STARD10: variants seen among roughly 807,000 people sequenced by gnomAD.
The protein encoded by STARD10 is StAR related lipid transfer domain containing 10, also known as START domain-containing protein 10.
A neutral mutation model predicts 36.0 loss-of-function variants in STARD10; 24 were observed. The ratio of observed to expected loss-of-function variants is 0.67; its 90% CI spans 0.48 to 0.94. STARD10 has a LOEUF of 0.94. STARD10 is among the 40% of genes least tolerant of loss of function. The pLI is 0.00. For missense variants in STARD10, 335 were observed against 396.6 expected (o/e 0.84, Z 1.32); for synonymous variants, 156 against 161.9 (o/e 0.96, Z 0.28).
chr11:72,773,396 A>C (rs998479480), intron 2 of STARD10, among the ~76,000 whole-genome samples: 3 of 152,226 alleles, frequency 2.0e-5, no homozygotes, highest in Non-Finnish European at 4.4e-5. Context: ...ACCACAGCAC[A>C]GTCAGAGCTG....
intron 6 of STARD10, 77 bp from the exon 7 acceptor site, chr11:72,755,219 G>GC: frequency 1.3e-6 from 2 of 1,488,050 alleles, no homozygotes; most frequent in South Asian, 1.3e-5. Context: ...CAGCGGCTCA[G>GC]CCCCCAGCAT....
chr11:72,766,764 C>T (rs1160713623), intron 2 of STARD10, among the ~76,000 whole-genome samples: 1 of 152,204 alleles, frequency 6.6e-6, no homozygotes, highest in Non-Finnish European at 1.5e-5. Flanking sequence ...AGTCAGGTCC[C>T]CTCCATGGGG....
intron 2 of STARD10, among the ~76,000 whole-genome samples, chr11:72,773,316 C>T (rs1858888140): frequency 6.6e-6 from 1 of 152,218 alleles, no homozygotes. Context: ...TCTATCCCCT[C>T]TGGCATGCTT....
chr11:72,761,632 C>A (rs1234915060), intron 2 of STARD10, among the ~76,000 whole-genome samples: 2 of 152,008 alleles, frequency 1.3e-5, no homozygotes, highest in African/African-American at 4.8e-5. Context: ...GTAATCCCAG[C>A]TACTCAGGAA....
At chr11:72,768,076 G>A (rs1858814856) in intron 2 of STARD10, among the ~76,000 whole-genome samples, 1 of 152,194 alleles carries the variant, frequency 6.6e-6, no homozygotes, top group African/African-American at 2.4e-5. Flanking sequence ...TCCACAGCGT[G>A]AGTGCACAGC....
Position 72,769,591 on chromosome 11 carries a change from A to T in STARD10, c.208-10210T>A, listed in dbSNP as rs1290344997. Among the ~76,000 whole-genome samples, 3 of 151,542 alleles carry T rather than the reference A, an allele frequency of 2.0e-5. No homozygotes were observed. The East Asian group carries it at 5.8e-4, about 29-fold the overall frequency. Reference sequence around the variant, plus strand: ...ATTCCTGGGCTTAAGCGATCCTCCCACCTCAGCCTCTCAAAGTGCTGGGAT... The same window carrying T: ...ATTCCTGGGCTTAAGCGATCCTCCCTCCTCAGCCTCTCAAAGTGCTGGGAT... On this transcript the variant is annotated intron_variant, in intron 2 of 6. Coordinates refer to ENST00000334805, the MANE Select transcript of STARD10 (RefSeq NM_006645.3).
intron 2 of STARD10, among the ~76,000 whole-genome samples, chr11:72,760,408 A>G (rs1326195906): frequency 6.6e-6 from 1 of 151,750 alleles, no homozygotes; most frequent in Non-Finnish European, 1.5e-5. Context: ...TTGTATTTTT[A>G]GTAGAGACGG....
intron 5 of STARD10, among the ~76,000 whole-genome samples, chr11:72,757,453 G>T: frequency 6.6e-6 from 1 of 152,192 alleles, no homozygotes; most frequent in East Asian, 1.9e-4. Flanking sequence ...GAAGACTAAG[G>T]CCTAGAAAAC....
At chr11:72,768,123 G>C (rs535603764) in intron 2 of STARD10, among the ~76,000 whole-genome samples, 1 of 152,234 alleles carries the variant, frequency 6.6e-6, no homozygotes, top group East Asian at 1.9e-4. Context: ...CCACACAGAT[G>C]GCCCCTCTAC....
intron 2 of STARD10, among the ~76,000 whole-genome samples, chr11:72,778,733 T>C (rs1858956106): frequency 6.6e-6 from 1 of 152,200 alleles, no homozygotes; most frequent in East Asian, 1.9e-4. Context: ...TGTGTGACTC[T>C]AGGCAGGTCC....
At chr11:72,783,986 C>T (rs2135037824) in intron 1 of STARD10, among the ~76,000 whole-genome samples, 1 of 152,282 alleles carries the variant, frequency 6.6e-6, no homozygotes, top group South Asian at 2.1e-4. Flanking sequence ...GGCAGCCAGG[C>T]CCTGGGCTCA....
At chr11:72,759,741 A>T (rs1008387312) in intron 2 of STARD10, among the ~76,000 whole-genome samples, 7 of 152,196 alleles carry the variant, frequency 4.6e-5, no homozygotes, top group South Asian at 2.1e-4. Flanking sequence ...TGGTTGCTTC[A>T]GCCTGGAGCC....
intron 2 of STARD10, 27 bp downstream of exon 2, chr11:72,780,948 G>A: frequency 6.2e-7 from 1 of 1,606,422 alleles, no homozygotes; most frequent in Non-Finnish European, 8.5e-7. Flanking sequence ...GTGCAGTGGA[G>A]GCTGCAGGTA....
chr11:72,771,905 A>G (rs1376238158), intron 2 of STARD10, among the ~76,000 whole-genome samples: 2 of 152,168 alleles, frequency 1.3e-5, no homozygotes, highest in African/African-American at 2.4e-5. Context: ...CCAGTGGGAC[A>G]ACACAGAGGC....
chr11:72,764,649 G>C (rs893332882), intron 2 of STARD10, among the ~76,000 whole-genome samples: 1 of 152,206 alleles, frequency 6.6e-6, no homozygotes, highest in Admixed American at 6.5e-5. Context: ...TTGTTCCTGC[G>C]GGCGGCGGTG....
chr11:72,774,486 T>A (rs570772726), intron 2 of STARD10, among the ~76,000 whole-genome samples: 1 of 152,230 alleles, frequency 6.6e-6, no homozygotes, highest in South Asian at 2.1e-4. Flanking sequence ...CTGCTGCCCA[T>A]ACTTTTGAGT....
intron 5 of STARD10, among the ~76,000 whole-genome samples, chr11:72,756,409 T>G (rs997717822): frequency 5.9e-5 from 9 of 151,926 alleles, no homozygotes; most frequent in Admixed American, 5.2e-4. Flanking sequence ...ACTCACTCCA[T>G]GTTCACTGTG....
intron 2 of STARD10, among the ~76,000 whole-genome samples, chr11:72,766,823 A>G (rs1378687432): frequency 6.6e-6 from 1 of 152,196 alleles, no homozygotes; most frequent in African/African-American, 2.4e-5. Flanking sequence ...ACAAGCAGAC[A>G]CACACACAGA....
intron 5 of STARD10, among the ~76,000 whole-genome samples, chr11:72,756,695 T>C (rs1451020550): frequency 6.6e-6 from 1 of 151,852 alleles, no homozygotes; most frequent in East Asian, 1.9e-4. Flanking sequence ...TGGAGGGCAA[T>C]GGAGAGCCAC....
Sources: gnomAD v4.1 joint callset for allele counts (sites outside exome capture counted in the v4.1 genomes callset) on GRCh38, gnomAD v4.1.1 for gene constraint, MANE v1.5 for transcripts, NCBI Gene and HGNC (gene_info 2026-07-23, HGNC 2026-07-21) for gene names.